The following SASH1 variants were observed in gnomAD, a reference collection of about 807,000 sequenced individuals.
SASH1 encodes SAM and SH3 domain containing 1.
In SASH1, 44 loss-of-function variants were observed where a neutral mutation model predicts 125.2. The observed-to-expected ratio is 0.35, with a 90% CI of 0.28 to 0.45. SASH1 has a LOEUF of 0.45. Ranked by LOEUF, SASH1 falls within the 20% of genes least tolerant of loss-of-function variation. The probability of loss-of-function intolerance (pLI) is 1.00; values close to 1 mark genes in which losing one functional copy is unlikely to be tolerated. For missense variants in SASH1, 1,426 were observed against 1,614.5 expected, an observed-to-expected ratio of 0.88 and a Z score of 2.00; for synonymous variants, 639 against 649.1, an observed-to-expected ratio of 0.98 and a Z score of 0.24.
the SASH1 span, among the ~76,000 whole-genome samples, chr6:148,226,440 C>A: frequency 6.6e-6 from 1 of 152,104 alleles, no homozygotes; most frequent in Non-Finnish European, 1.5e-5. Flanking sequence ...ATCGTTCAGT[C>A]AGGATGCTCA....
intron 1 of SASH1, among the ~76,000 whole-genome samples, chr6:148,376,941 C>A (rs987986081): frequency 6.6e-6 from 1 of 151,466 alleles, no homozygotes; most frequent in African/African-American, 2.4e-5. Context: ...GAGGCCGAGG[C>A]GGGCGGATCA....
intron 1 of SASH1, among the ~76,000 whole-genome samples, chr6:148,357,807 C>G (rs185070862): frequency 6.6e-6 from 1 of 152,082 alleles, no homozygotes; most frequent in African/African-American, 2.4e-5. Flanking sequence ...CACCTGTGAT[C>G]CCAGCATTTT....
chr6:148,244,457 G>A, the SASH1 span, among the ~76,000 whole-genome samples: 4 of 152,266 alleles, frequency 2.6e-5, no homozygotes, highest in African/African-American at 7.2e-5. Context: ...CACACCCAGC[G>A]GTAGGACGTT....
At position 148,525,325 on chromosome 6, in the gene SASH1, A is replaced by G. The variant is rs1363377316; in HGVS notation, c.1244A>G (p.Asn415Ser). The stretch of plus-strand genomic sequence containing the variant: ...AGTTTTGGAGGATTTGACTTGACGA[A>G]TCGCTCTCTGCACGTTGGCAGTAAT... ...TCSFGGFDLTNRSLHVGSNNS... is the reference protein window; with the variant it reads ...TCSFGGFDLTSRSLHVGSNNS... The change falls in exon 11 of 20, where the codon AAT (asparagine) becomes AGT (serine). Residue 415 changes from asparagine to serine, a missense_variant. Physicochemically the swap from Asn to Ser is conservative, Grantham distance 46. This residue lies in a region of SASH1 where 567 missense variants were observed against 575.6 expected (regional missense o/e 0.99). Transcript: ENST00000367467. 1.2e-6 allele frequency: 2 copies of G among 1,614,104 alleles called. No homozygotes were observed. The highest frequency in any genetic ancestry group is 3.3e-5 in the Admixed American group (2 of 60,028).
At chr6:148,196,034 A>C in the SASH1 span, among the ~76,000 whole-genome samples, 2 of 152,166 alleles carry the variant, frequency 1.3e-5, no homozygotes, top group African/African-American at 4.8e-5. Context: ...TGAGAAATCT[A>C]AGGCTCTGGT....
At chr6:148,305,617 C>T (rs2128515863) in intron 1 of SASH1, among the ~76,000 whole-genome samples, 1 of 111,144 alleles carries the variant, frequency 9.0e-6, no homozygotes, top group East Asian at 3.1e-4. Flanking sequence ...GAGCGAGACT[C>T]TGACTCAAAA....
chr6:148,233,722 T>C, the SASH1 span, among the ~76,000 whole-genome samples: 7 of 94,280 alleles, frequency 7.4e-5, no homozygotes, highest in Admixed American at 5.5e-4. Flanking sequence ...CAGGGAGCTA[T>C]GATGGCAGCT....
At chr6:148,374,672 T>C (rs1782820145) in intron 1 of SASH1, among the ~76,000 whole-genome samples, 1 of 149,150 alleles carries the variant, frequency 6.7e-6, no homozygotes, top group Admixed American at 6.8e-5. Flanking sequence ...TTAAATTTTA[T>C]TGTGTGTATT....
intron 4 of SASH1, among the ~76,000 whole-genome samples, chr6:148,450,865 G>T (rs1183502696): frequency 6.6e-6 from 1 of 152,086 alleles, no homozygotes; most frequent in Non-Finnish European, 1.5e-5. Context: ...AATCCAGGTT[G>T]TCTTCCTTAC....
chr6:148,380,655 G>A (rs976118192), intron 1 of SASH1, among the ~76,000 whole-genome samples: 4 of 152,216 alleles, frequency 2.6e-5, no homozygotes, highest in African/African-American at 9.6e-5. Context: ...ATCTAGGCTT[G>A]TACTTTCTAA....
At chr6:148,444,629 G>A (rs1776697858) in intron 4 of SASH1, among the ~76,000 whole-genome samples, 1 of 152,168 alleles carries the variant, frequency 6.6e-6, no homozygotes, top group Non-Finnish European at 1.5e-5. Flanking sequence ...GTTTAATAAA[G>A]AAGGCCAAGG....
chr6:148,431,391 G>T (rs1776055649), intron 2 of SASH1, among the ~76,000 whole-genome samples: 1 of 151,996 alleles, frequency 6.6e-6, no homozygotes, highest in South Asian at 2.1e-4. Flanking sequence ...AAGAGATAGG[G>T]TTTCACCATG....
Position 148,390,219 on chromosome 6 carries a change from T to C in SASH1, c.242T>C (p.Met81Thr). ...NTCFSDVCER[M>T]EELRKRRVSQ... ...TGTTTCTCCGACGTGTGCGAGAGGA[T>C]GGAGGAGCTGCGGAAACGGCGGGTT... The change falls in exon 2 of 20, where the codon ATG becomes ACG. Residue 81 changes from methionine to threonine, a missense_variant. Physicochemically the swap from Met to Thr is moderately conservative, Grantham distance 81. Coordinates refer to ENST00000367467, the MANE Select transcript of SASH1 (RefSeq NM_015278.5). The C allele has an allele frequency of 6.2e-7, 1 of 1,612,900 alleles. No individual in the cohort carries two copies.
At chr6:148,399,298 A>G (rs1256309529) in intron 2 of SASH1, among the ~76,000 whole-genome samples, 2 of 143,798 alleles carry the variant, frequency 1.4e-5, no homozygotes, top group Non-Finnish European at 3.0e-5. Flanking sequence ...GCTCACTGGA[A>G]CCTCCACCTC....
chr6:148,421,149 GAAA>G (rs767198560), intron 2 of SASH1, among the ~76,000 whole-genome samples: 10,696 of 66,024 alleles, frequency 0.16, 856 homozygotes, highest in African/African-American at 0.24. Context: ...AAGGAAGGAA[GAAA>G]GAAAGAAAGA....
At position 148,343,100 on chromosome 6, in the gene SASH1, G is replaced by GGCGCCT; in HGVS notation, c.34_35insCGCCTG (p.Pro11_Glu12insAlaPro). 6.9e-7 allele frequency: 1 copy of GGCGCCT among 1,450,028 alleles called. No individual in the cohort carries two copies. Among genetic ancestry groups the GGCGCCT allele is most frequent in the South Asian group, 1.2e-5 (1 of 83,910 alleles). The allele number at this position is 1,450,028 out of a possible 1,614,324, so 89.8% of individuals were successfully genotyped here. A position where few individuals can be genotyped will look rare whatever the true frequency, so the allele number is the denominator to read the frequency against. ...ACGCGGGAGCAGCTGGCCCGGGGCC[G>GGCGCCT]GAGCCTGAGCCCGAGCCCGAGCCGG... On this transcript the variant is annotated inframe_insertion, in exon 1 of 20. Transcript: ENST00000367467.
the SASH1 span, among the ~76,000 whole-genome samples, chr6:148,256,115 G>A: frequency 1.3e-5 from 2 of 152,184 alleles, no homozygotes; most frequent in Admixed American, 6.5e-5. Context: ...CCCTATAGCT[G>A]AGTTGGTCCC....
intron 4 of SASH1, among the ~76,000 whole-genome samples, chr6:148,447,271 A>G (rs1298697827): frequency 2.0e-5 from 3 of 152,370 alleles, no homozygotes; most frequent in African/African-American, 4.8e-5. Context: ...ATATAGCACG[A>G]TGGAAAAGGA....
At position 148,543,724 on chromosome 6, in the gene SASH1, G is replaced by C. The variant is rs201267871; in HGVS notation, c.2254G>C (p.Glu752Gln). 64 of 1,581,360 alleles carry C rather than the reference G, an allele frequency of 4.0e-5. No homozygotes were observed. The highest frequency in any genetic ancestry group is 5.3e-5 in the Non-Finnish European group (61 of 1,160,536). The stretch of plus-strand genomic sequence containing the variant: ...CCTCCTATCTGCCAAGTCATCCACC[G>C]AGCCCAGCTTGAAGTCTTTTAGCAG... ...ASLLSAKSSTEPSLKSFSRNQ... is the reference protein window; with the variant it reads ...ASLLSAKSSTQPSLKSFSRNQ... The change falls in exon 18 of 20, where the codon GAG (glutamate) becomes CAG (glutamine). Residue 752 changes from glutamate to glutamine, a missense_variant. By Grantham distance (29) the Glu-to-Gln change is conservative (BLOSUM62 2). Around this residue, in one of 3 missense-constraint regions of SASH1, gnomAD observed 634 missense variants for 694.4 expected, o/e 0.91. Coordinates refer to ENST00000367467, the MANE Select transcript of SASH1 (RefSeq NM_015278.5).
Sources: allele counts gnomAD v4.1 joint callset (sites outside exome capture counted in the v4.1 genomes callset), GRCh38; gene constraint gnomAD v4.1.1; regional missense constraint gnomAD v4.1.1; transcripts MANE v1.5; gene names NCBI Gene and HGNC (gene_info 2026-07-23, HGNC 2026-07-21).